Variants in HIBADH observed in about 807,000 individuals in gnomAD.
HIBADH encodes the protein 3-hydroxyisobutyrate dehydrogenase, mitochondrial.
HIBADH carries 25 observed loss-of-function variants against 36.1 expected under a neutral mutation model. That is an observed-to-expected ratio of 0.69 (90% CI 0.50 to 0.97). The LOEUF is 0.97. Ranked by LOEUF, HIBADH falls within the 50% of genes least tolerant of loss-of-function variation. HIBADH has a pLI of 0.00. For synonymous variants in HIBADH, 160 were observed against 149.5 expected (o/e 1.07, Z -0.51); for missense variants, 421 against 418.0 (o/e 1.01, Z -0.06).
At chr7:27,594,099 T>G (rs984271647) in intron 4 of HIBADH, among the ~76,000 whole-genome samples, 5 of 150,388 alleles carry the variant, frequency 3.3e-5, no homozygotes, top group African/African-American at 9.7e-5. Context: ...GACTTTGGAA[T>G]AAGCTGTTGA....
At chr7:27,613,754 G>A (rs548057755) in intron 4 of HIBADH, among the ~76,000 whole-genome samples, 1 of 150,890 alleles carries the variant, frequency 6.6e-6, no homozygotes, top group Non-Finnish European at 1.5e-5. Flanking sequence ...CACCTTCCAG[G>A]TTCAAGTGAA....
intron 4 of HIBADH, among the ~76,000 whole-genome samples, chr7:27,576,083 G>T (rs1241733576): frequency 6.6e-6 from 1 of 152,192 alleles, no homozygotes; most frequent in Non-Finnish European, 1.5e-5. Flanking sequence ...GAATCCAAAG[G>T]AGGGAAGGAA....
At chr7:27,598,234 A>G (rs1272491469) in intron 4 of HIBADH, among the ~76,000 whole-genome samples, 1 of 152,232 alleles carries the variant, frequency 6.6e-6, no homozygotes, top group Non-Finnish European at 1.5e-5. Context: ...TTGCTATGCT[A>G]CATGAATGGG....
At chr7:27,649,226 G>A in intron 2 of HIBADH, 1 of 336,274 alleles carries the variant, frequency 3.0e-6, no homozygotes, top group Non-Finnish European at 5.3e-6. Context: ...CTAAAACAAG[G>A]CCCTCTGACC....
At chr7:27,556,275 CTATCA>C (rs1338243672) in intron 4 of HIBADH, among the ~76,000 whole-genome samples, 2 of 152,134 alleles carry the variant, frequency 1.3e-5, no homozygotes, top group Non-Finnish European at 2.9e-5. Flanking sequence ...AGTAAACTGC[CTATCA>C]TGTTTCTTTA....
chr7:27,550,890 A>G (rs754377544), intron 4 of HIBADH, among the ~76,000 whole-genome samples: 5 of 152,196 alleles, frequency 3.3e-5, no homozygotes, highest in Non-Finnish European at 7.3e-5. Flanking sequence ...TTAAGACTTA[A>G]TATTTTCTAG....
intron 4 of HIBADH, among the ~76,000 whole-genome samples, chr7:27,624,966 G>A (rs977968406): frequency 6.6e-6 from 1 of 152,072 alleles, no homozygotes; most frequent in East Asian, 1.9e-4. Context: ...GTAAGAATGC[G>A]AATATTTTTT....
At chr7:27,547,258 A>C (rs1000276336) in intron 4 of HIBADH, among the ~76,000 whole-genome samples, 3 of 152,136 alleles carry the variant, frequency 2.0e-5, no homozygotes, top group African/African-American at 7.2e-5. Flanking sequence ...TCCCCCAGAT[A>C]CTCATGACTG....
intron 4 of HIBADH, among the ~76,000 whole-genome samples, chr7:27,597,441 C>T (rs527499109): frequency 2.7e-3 from 204 of 76,730 alleles, no homozygotes; most frequent in African/African-American, 0.013. Flanking sequence ...TTCCCATAGA[C>T]TCAGTAAAAA....
At chr7:27,539,536 T>A (rs1418998389) in intron 5 of HIBADH, among the ~76,000 whole-genome samples, 2 of 152,082 alleles carry the variant, frequency 1.3e-5, no homozygotes, top group South Asian at 2.1e-4. Flanking sequence ...TGTTTAATCA[T>A]CTCTGTCAGT....
chr7:27,634,567 C>G (rs958092599), intron 2 of HIBADH, among the ~76,000 whole-genome samples: 1 of 152,186 alleles, frequency 6.6e-6, no homozygotes, highest in African/African-American at 2.4e-5. Context: ...ATTTGTTCAT[C>G]CTACTCTAAT....
At chr7:27,598,301 A>G (rs1473789211) in intron 4 of HIBADH, among the ~76,000 whole-genome samples, 1 of 152,146 alleles carries the variant, frequency 6.6e-6, no homozygotes, top group East Asian at 1.9e-4. Flanking sequence ...CTTTGCTTTT[A>G]TTTTCTTTTA....
intron 4 of HIBADH, among the ~76,000 whole-genome samples, chr7:27,579,376 G>T (rs1473546541): frequency 6.6e-6 from 1 of 152,098 alleles, no homozygotes; most frequent in Non-Finnish European, 1.5e-5. Flanking sequence ...TTACATAGCA[G>T]AGCACTGATA....
At chr7:27,582,192 A>G (rs2128287626) in intron 4 of HIBADH, among the ~76,000 whole-genome samples, 1 of 151,914 alleles carries the variant, frequency 6.6e-6, no homozygotes, top group South Asian at 2.1e-4. Flanking sequence ...CTTCCCTTCA[A>G]CTCTTATACA....
At chr7:27,657,064 G>GCATCTCTC (rs1786320296) in intron 1 of HIBADH, among the ~76,000 whole-genome samples, 2 of 152,178 alleles carry the variant, frequency 1.3e-5, no homozygotes, top group African/African-American at 4.8e-5. Flanking sequence ...CTAAGTTAAA[G>GCATCTCTC]TTCTGGAAAT....
chr7:27,596,967 A>T (rs529834778), intron 4 of HIBADH, among the ~76,000 whole-genome samples: 91 of 152,290 alleles, frequency 6.0e-4, no homozygotes, highest in African/African-American at 1.9e-3. Flanking sequence ...TTTGTTTTTT[A>T]AAAAAGTGTG....
chr7:27,653,232 G>C (rs1291392098), intron 1 of HIBADH, among the ~76,000 whole-genome samples: 1 of 152,154 alleles, frequency 6.6e-6, no homozygotes, highest in Non-Finnish European at 1.5e-5. Context: ...CACAGGAAAA[G>C]ACAGGTATAA....
At chr7:27,636,376 T>G (rs781549881) in intron 2 of HIBADH, among the ~76,000 whole-genome samples, 1 of 152,248 alleles carries the variant, frequency 6.6e-6, no homozygotes, top group South Asian at 2.1e-4. Flanking sequence ...TTAAATACTT[T>G]AAAAGTAGAA....
chr7:27,537,864 G>T (rs777882131), intron 6 of HIBADH, among the ~76,000 whole-genome samples: 13 of 152,010 alleles, frequency 8.6e-5, no homozygotes, highest in Non-Finnish European at 1.9e-4. Context: ...TTTAGCCTGA[G>T]AATGAACCAC....
Sources: gnomAD v4.1 joint callset for allele counts (sites outside exome capture counted in the v4.1 genomes callset) on GRCh38, gnomAD v4.1.1 for gene constraint, MANE v1.5 for transcripts, NCBI Gene and HGNC (gene_info 2026-07-23, HGNC 2026-07-21) for gene names.